AK5: variants seen among roughly 807,000 people sequenced by gnomAD.
AK5 encodes adenylate kinase isoenzyme 5.
AK5 carries 27 observed loss-of-function variants against 69.5 expected under a neutral mutation model. That is an observed-to-expected ratio of 0.39 (90% CI 0.29 to 0.54). AK5 has a LOEUF of 0.54. AK5 is among the 20% of genes least tolerant of loss of function. The probability of loss-of-function intolerance (pLI) is 0.71; values close to 1 mark genes in which losing one functional copy is unlikely to be tolerated. For synonymous variants in AK5, 260 were observed against 244.4 expected, an observed-to-expected ratio of 1.06 and a Z score of -0.60; for missense variants, 531 against 700.4, an observed-to-expected ratio of 0.76 and a Z score of 2.73.
intron 6 of AK5, among the ~76,000 whole-genome samples, chr1:77,383,355 G>A (rs1001828194): frequency 1.1e-4 from 16 of 151,932 alleles, no homozygotes; most frequent in African/African-American, 1.7e-4. Context: ...AAAAAATGGG[G>A]GATTAACACA....
intron 5 of AK5, among the ~76,000 whole-genome samples, chr1:77,324,600 C>A (rs1570380049): frequency 6.6e-6 from 1 of 152,022 alleles, no homozygotes; most frequent in South Asian, 2.1e-4. Flanking sequence ...GGGGCCACAC[C>A]CCCCAGGATG....
chr1:77,328,087 A>G (rs992156354), intron 5 of AK5, among the ~76,000 whole-genome samples: 3 of 152,248 alleles, frequency 2.0e-5, no homozygotes, highest in African/African-American at 2.4e-5. Flanking sequence ...AAATGTATAA[A>G]TAAATGAAAT....
chr1:77,419,279 C>T (rs1570537505), intron 8 of AK5, among the ~76,000 whole-genome samples: 1 of 152,064 alleles, frequency 6.6e-6, no homozygotes, highest in Admixed American at 6.6e-5. Context: ...ACCCATAAGA[C>T]TCCAGCAGAG....
chr1:77,434,274 A>G lies in AK5; in HGVS notation c.1059+16559A>G, dbSNP rs550571717. Among the ~76,000 whole-genome samples the G allele has an allele frequency of 1.6e-3, 245 of 152,216 alleles. 2 individuals are homozygous for G. The Middle Eastern group carries it at 0.024, about 15-fold the overall frequency. ...TCTAAGAGTTTTATATGATCTTGGA[A>G]CATTCATATCAATAACATACTCATA... On this transcript the variant is annotated intron_variant, in intron 8 of 13. Transcript: ENST00000354567.
At chr1:77,320,196 G>C (rs1051641633) in intron 5 of AK5, among the ~76,000 whole-genome samples, 14 of 152,232 alleles carry the variant, frequency 9.2e-5, no homozygotes, top group African/African-American at 3.1e-4. Context: ...TCAGTATCAT[G>C]AGAACAGCAT....
At chr1:77,456,740 G>A (rs145253955) in intron 8 of AK5, among the ~76,000 whole-genome samples, 3 of 152,182 alleles carry the variant, frequency 2.0e-5, no homozygotes, top group Non-Finnish European at 4.4e-5. Context: ...AAGGAGTGAC[G>A]TGCAGGGCAT....
intron 10 of AK5, among the ~76,000 whole-genome samples, chr1:77,506,594 G>A (rs1657042708): frequency 6.6e-6 from 1 of 152,170 alleles, no homozygotes; most frequent in African/African-American, 2.4e-5. Flanking sequence ...CTTGATTAAT[G>A]AGGGATTTCA....
chr1:77,527,711 T>C (rs762779610), intron 12 of AK5, among the ~76,000 whole-genome samples: 19 of 152,326 alleles, frequency 1.2e-4, no homozygotes, highest in Non-Finnish European at 2.4e-4. Flanking sequence ...TAGTATCAAT[T>C]AAGCAGGTGT....
rs1229076302 is a variant in AK5, at chr1:77,559,871, C to T, written c.*1201C>T. On this transcript the variant is annotated 3_prime_UTR_variant, in exon 14 of 14. Coordinates refer to ENST00000354567, the MANE Select transcript of AK5 (RefSeq NM_174858.3). ...TTTTTTTTTTTCTTCAATGGCTGTGCAGATAAGGATCCATTTCTGGGATAG... is the reference window on the plus strand; with the variant it reads ...TTTTTTTTTTTCTTCAATGGCTGTGTAGATAAGGATCCATTTCTGGGATAG... 6.6e-6 allele frequency: 1 copy of T among 151,676 alleles called. No individual in the cohort carries two copies. The highest frequency in any genetic ancestry group is 2.4e-5 in the African/African-American group (1 of 41,074). 9.4% of individuals were successfully genotyped at this position (151,676 alleles called of 1,614,324 possible).
At chr1:77,398,673 C>T (rs551131476) in intron 6 of AK5, among the ~76,000 whole-genome samples, 11 of 152,222 alleles carry the variant, frequency 7.2e-5, no homozygotes, top group South Asian at 2.1e-4. Context: ...TTGTCTAAAA[C>T]GAGCATATCA....
chr1:77,426,620 C>CA, intron 8 of AK5, among the ~76,000 whole-genome samples: 1 of 152,152 alleles, frequency 6.6e-6, no homozygotes, highest in East Asian at 1.9e-4. Context: ...ATAATACCAC[C>CA]AAACACCACC....
chr1:77,549,821 A>G (rs1279919936), intron 13 of AK5, among the ~76,000 whole-genome samples: 2 of 151,580 alleles, frequency 1.3e-5, no homozygotes, highest in Non-Finnish European at 2.9e-5. Flanking sequence ...TATGTGTACC[A>G]CATTTTCTTT....
chr1:77,368,274 T>TA (rs1557535738), intron 6 of AK5, among the ~76,000 whole-genome samples: 1 of 58,360 alleles, frequency 1.7e-5, no homozygotes, highest in Non-Finnish European at 3.9e-5. Context: ...TATATATATG[T>TA]TATATATGTT....
chr1:77,367,663 T>C (rs1292753905), intron 6 of AK5, among the ~76,000 whole-genome samples: 8 of 100,928 alleles, frequency 7.9e-5, no homozygotes, highest in South Asian at 6.6e-4. Flanking sequence ...GTTATATATA[T>C]GTTATATATA....
At chr1:77,347,696 G>A (rs1444280661) in intron 6 of AK5, among the ~76,000 whole-genome samples, 1 of 152,100 alleles carries the variant, frequency 6.6e-6, no homozygotes, top group Non-Finnish European at 1.5e-5. Flanking sequence ...TCACAAAATG[G>A]CAACCCGCAT....
intron 6 of AK5, among the ~76,000 whole-genome samples, chr1:77,402,742 GC>G (rs1184794148): frequency 5.9e-5 from 9 of 151,856 alleles, no homozygotes; most frequent in African/African-American, 1.9e-4. Context: ...TGTGAATAGT[GC>G]CGCAATAAAC....
chr1:77,394,552 A>T (rs1648708593), intron 6 of AK5, among the ~76,000 whole-genome samples: 1 of 151,892 alleles, frequency 6.6e-6, no homozygotes, highest in African/African-American at 2.4e-5. Context: ...AGTCTCCCTC[A>T]TTGGATTGTG....
chr1:77,383,344 T>C (rs1340710767), intron 6 of AK5, among the ~76,000 whole-genome samples: 2 of 152,022 alleles, frequency 1.3e-5, no homozygotes, highest in South Asian at 2.1e-4. Flanking sequence ...TGAGAAGTCA[T>C]AAAAAATGGG....
chr1:77,477,964 CA>C (rs1436159298), intron 8 of AK5, among the ~76,000 whole-genome samples: 4 of 152,052 alleles, frequency 2.6e-5, no homozygotes, highest in African/African-American at 9.7e-5. Context: ...TTTTAAAAAC[CA>C]AAACGGTTTA....
Sources: gnomAD v4.1 joint callset for allele counts (sites outside exome capture counted in the v4.1 genomes callset) on GRCh38, gnomAD v4.1.1 for gene constraint, MANE v1.5 for transcripts, NCBI Gene and HGNC (gene_info 2026-07-23, HGNC 2026-07-21) for gene names.